The following ZFHX3 variants were observed in gnomAD, a reference collection of about 807,000 sequenced individuals.
The protein encoded by ZFHX3 is zinc finger homeobox 3, also known as zinc finger homeobox protein 3.
A neutral mutation model predicts 279.1 loss-of-function variants in ZFHX3; 42 were observed. That is an observed-to-expected ratio of 0.15 (90% CI 0.12 to 0.19). ZFHX3 has a LOEUF of 0.19. Ranked by LOEUF, ZFHX3 falls within the 10% of genes least tolerant of loss-of-function variation. The pLI is 1.00. For synonymous variants in ZFHX3, 2,293 were observed against 1,957.8 expected (o/e 1.17, Z -4.52); for missense variants, 4,981 against 4,754.0 (o/e 1.05, Z -1.40).
intron 1 of ZFHX3, among the ~76,000 whole-genome samples, chr16:73,884,530 G>GT (rs1207720664): frequency 6.6e-6 from 1 of 152,180 alleles, no homozygotes; most frequent in Non-Finnish European, 1.5e-5. Context: ...TAATTAAATT[G>GT]TTTGTTTTGG....
chr16:72,889,290 A>T (rs16971371), intron 4 of ZFHX3, among the ~76,000 whole-genome samples: 21,540 of 152,104 alleles, frequency 0.14, 2,023 homozygotes, highest in East Asian at 0.21. Context: ...CCACAAATTG[A>T]CTACTCTTAA....
chr16:73,300,390 TC>T (rs1486844618), intron 4 of ZFHX3, among the ~76,000 whole-genome samples: 2 of 152,024 alleles, frequency 1.3e-5, no homozygotes, highest in Non-Finnish European at 2.9e-5. Context: ...CAGCAGCCCC[TC>T]TGGACTCTAC....
At chr16:73,334,597 G>A (rs990546317) in intron 3 of ZFHX3, among the ~76,000 whole-genome samples, 20 of 151,880 alleles carry the variant, frequency 1.3e-4, no homozygotes, top group Non-Finnish European at 2.4e-4. Flanking sequence ...CCAAAGGACC[G>A]TCAGCCGAGT....
intron 1 of ZFHX3, among the ~76,000 whole-genome samples, chr16:73,717,240 C>T (rs2053425019): frequency 1.3e-5 from 2 of 152,142 alleles, no homozygotes. Context: ...ACAGGACATG[C>T]ATTTATTTGT....
chr16:72,794,170 CAG>C lies in ZFHX3; in HGVS notation c.8510_8511del (p.Ser2837CysfsTer18). 1 of 1,614,190 alleles carries C rather than the reference CAG, an allele frequency of 6.2e-7. No homozygotes were observed. The highest frequency in any genetic ancestry group is 8.5e-7 in the Non-Finnish European group (1 of 1,180,044). ...QTKLDNDDCS[S>X]VNTAITDTTT... ...GTGGTATCTGTGATTGCTGTGTTGA[CAG>C]AGGAACAGTCATCGTTGTCCAGCTT... On this transcript the variant is annotated frameshift_variant, in exon 9 of 10. Transcript: ENST00000268489. LOFTEE classifies it high-confidence loss of function. The surrounding 1 kb of genome is among the most constrained non-coding windows in gnomAD (Gnocchi z 4.2).
In ZFHX3 at chr16:73,230,821, A is replaced by G. The variant is rs944727639; in HGVS notation, c.-1104+26226T>C. On this transcript the variant is annotated intron_variant, in intron 5 of 17. Coordinates refer to the ZFHX3 transcript ENST00000641206. ...GAGCTAATCAGAAGCCAGAAAAGGA[A>G]TAAAAAAATCAGTGTTCCTGCTGCC... Among the ~76,000 whole-genome samples, 4 of 152,320 alleles carry G rather than the reference A, an allele frequency of 2.6e-5. No individual in the cohort carries two copies. In the Middle Eastern group the frequency reaches 0.01, roughly 389 times the overall value.
intron 8 of ZFHX3, among the ~76,000 whole-genome samples, chr16:73,090,966 C>T (rs556124804): frequency 8.1e-4 from 117 of 143,934 alleles, no homozygotes; most frequent in Non-Finnish European, 3.1e-4. Context: ...AATCCCAGCA[C>T]TTTGGGAGGC....
chr16:73,210,808 G>C (rs958722995), intron 5 of ZFHX3, among the ~76,000 whole-genome samples: 3 of 152,140 alleles, frequency 2.0e-5, no homozygotes, highest in Admixed American at 6.5e-5. Context: ...AAAGAGGAAA[G>C]AGGCAGAAGC....
intron 7 of ZFHX3, among the ~76,000 whole-genome samples, chr16:73,120,640 T>C (rs1211738694): frequency 6.9e-6 from 1 of 145,296 alleles, no homozygotes; most frequent in East Asian, 2.0e-4. Context: ...TTCTGCCCTA[T>C]CCTCTCTACC....
At position 72,785,384 on chromosome 16, in the gene ZFHX3, C is replaced by A. The variant is rs1481104466; in HGVS notation, c.*1780G>T. ...CTGGATCACTCGCTGCTCAGACTGC[C>A]TAACACAAGGACAAAACTTTGAAGT... On this transcript the variant is annotated 3_prime_UTR_variant, in exon 10 of 10. Coordinates refer to ENST00000268489, the MANE Select transcript of ZFHX3 (RefSeq NM_006885.4). The A allele has an allele frequency of 1.3e-5, 2 of 152,624 alleles. No individual in the cohort carries two copies. Among genetic ancestry groups the A allele is most frequent in the African/African-American group, 4.8e-5 (2 of 41,434 alleles). 9.5% of individuals were successfully genotyped at this position (152,624 alleles called of 1,614,324 possible).
intron 4 of ZFHX3, among the ~76,000 whole-genome samples, chr16:72,840,264 G>A (rs139666225): frequency 1.1e-4 from 17 of 152,304 alleles, no homozygotes; most frequent in South Asian, 1.0e-3. Flanking sequence ...AAATGAACAG[G>A]ATGTACCAGA....
At chr16:73,288,588 C>G (rs939396023) in intron 4 of ZFHX3, among the ~76,000 whole-genome samples, 11 of 152,142 alleles carry the variant, frequency 7.2e-5, no homozygotes, top group African/African-American at 2.7e-4. Flanking sequence ...CCCACGCTGT[C>G]CGCAGCGGAG....
intron 3 of ZFHX3, among the ~76,000 whole-genome samples, chr16:73,345,359 C>G (rs891093418): frequency 6.6e-6 from 1 of 152,028 alleles, no homozygotes; most frequent in African/African-American, 2.4e-5. Context: ...GCCCAGCATG[C>G]ATCAGTTATT....
In ZFHX3 at chr16:72,959,062, G is replaced by C; in HGVS notation, c.1084C>G (p.His362Asp). Reference protein sequence around the residue: ...VSTANLIGPGHSFYGKFSGIR... With the variant: ...VSTANLIGPGDSFYGKFSGIR... ...CCACTAAATTTACCATAAAAACTGTGTCCGGGGCCTATGAGGTTAGCTGTG... is the reference window on the plus strand; with the variant it reads ...CCACTAAATTTACCATAAAAACTGTCTCCGGGGCCTATGAGGTTAGCTGTG... Residue 362 changes from histidine to aspartate, a missense_variant, in exon 2 of 10, where the codon CAC becomes GAC. This residue lies in a region of ZFHX3 where 1,068 missense variants were observed against 935.2 expected (regional missense o/e 1.14). Coordinates refer to ENST00000268489, the MANE Select transcript of ZFHX3 (RefSeq NM_006885.4). 3 of 1,614,214 alleles carry C rather than the reference G, an allele frequency of 1.9e-6. No homozygotes were observed. The South Asian group carries it at 3.3e-5, about 18-fold the overall frequency.
At chr16:73,050,080 C>A (rs1480947707), upstream of ZFHX3, among the ~76,000 whole-genome samples, 1 of 152,160 alleles carries the variant, frequency 6.6e-6, no homozygotes, top group Non-Finnish European at 1.5e-5. Flanking sequence ...TGTTGATACT[C>A]TCAGAAAATC....
chr16:73,156,122 C>T (rs1168310277), intron 5 of ZFHX3, among the ~76,000 whole-genome samples: 1 of 149,046 alleles, frequency 6.7e-6, no homozygotes, highest in African/African-American at 2.5e-5. Flanking sequence ...GTCCCAGCTA[C>T]TTGGGAGGCT....
chr16:73,267,523 TG>T (rs1424454990), intron 4 of ZFHX3, among the ~76,000 whole-genome samples: 1 of 152,178 alleles, frequency 6.6e-6, no homozygotes, highest in Non-Finnish European at 1.5e-5. Context: ...TACCAAATCA[TG>T]GGGCATTTTT....
At position 73,204,125 on chromosome 16, in the gene ZFHX3, T is replaced by C. The variant is rs1019753284; in HGVS notation, c.-1104+52922A>G. ...ATTGAGGTGGTTTTCTCCACTGCAG[T>C]GGTCCCCAACTTTTTTGGCATCAGG... On this transcript the variant is annotated intron_variant, in intron 5 of 17. Coordinates refer to the ZFHX3 transcript ENST00000641206. Among the ~76,000 whole-genome samples the C allele has an allele frequency of 2.6e-4, 40 of 152,020 alleles. 1 individual carries two copies. Among genetic ancestry groups the C allele is most frequent in the Non-Finnish European group, 4.4e-4 (30 of 67,998 alleles).
intron 1 of ZFHX3, among the ~76,000 whole-genome samples, chr16:73,849,473 G>A (rs982589257): frequency 3.9e-5 from 6 of 152,098 alleles, no homozygotes; most frequent in East Asian, 3.9e-4. Flanking sequence ...GTAAGTGATC[G>A]ATTATACAAT....
Sources: allele counts gnomAD v4.1 joint callset (sites outside exome capture counted in the v4.1 genomes callset), GRCh38; gene constraint gnomAD v4.1.1; regional missense constraint gnomAD v4.1.1; non-coding constraint Gnocchi (gnomAD v3.1); transcripts MANE v1.5; gene names NCBI Gene and HGNC (gene_info 2026-07-23, HGNC 2026-07-21).